Variants in MARCHF3 observed in about 807,000 individuals in gnomAD.
The protein encoded by MARCHF3 is membrane associated ring-CH-type finger 3.
A neutral mutation model predicts 24.2 loss-of-function variants in MARCHF3; 13 were observed. The ratio of observed to expected loss-of-function variants is 0.54; its 90% CI spans 0.35 to 0.85. The LOEUF (loss-of-function observed/expected upper bound fraction) is 0.85. Ranked by LOEUF, MARCHF3 falls within the 40% of genes least tolerant of loss-of-function variation. The pLI is 0.01. For synonymous variants in MARCHF3, 144 were observed against 137.3 expected, an observed-to-expected ratio of 1.05 and a Z score of -0.34; for missense variants, 276 against 325.0, an observed-to-expected ratio of 0.85 and a Z score of 1.16.
chr5:126,904,498 T>C (rs941569512), intron 3 of MARCHF3, among the ~76,000 whole-genome samples: 4 of 148,642 alleles, frequency 2.7e-5, no homozygotes, highest in African/African-American at 7.7e-5. Context: ...TTTTTAATGA[T>C]TGCCATTCTA....
chr5:126,965,691 T>G (rs1002428956), intron 1 of MARCHF3, among the ~76,000 whole-genome samples: 10 of 152,070 alleles, frequency 6.6e-5, no homozygotes, highest in African/African-American at 2.4e-4. Flanking sequence ...CAGTGAGAGA[T>G]AGAAACCACT....
At chr5:126,946,110 C>T (rs1256800465) in intron 1 of MARCHF3, among the ~76,000 whole-genome samples, 2 of 152,080 alleles carry the variant, frequency 1.3e-5, no homozygotes, top group Non-Finnish European at 2.9e-5. Context: ...GTAGCTCACA[C>T]CTGCAATCCC....
chr5:126,898,842 G>T (rs1754011712), intron 3 of MARCHF3: 1 of 981,670 alleles, frequency 1.0e-6, no homozygotes, highest in African/African-American at 1.8e-5. Context: ...CGCTAGAGGT[G>T]AAGCAATGAT....
intron 1 of MARCHF3, among the ~76,000 whole-genome samples, chr5:126,993,980 AC>A (rs1453042004): frequency 2.0e-5 from 3 of 152,266 alleles, no homozygotes; most frequent in African/African-American, 7.2e-5. Context: ...AGTTGAACAT[AC>A]ACCTGTCATT....
intron 1 of MARCHF3, 167 bp downstream of exon 1, chr5:127,030,183 T>C (rs1420262025): frequency 6.6e-6 from 1 of 152,146 alleles, no homozygotes; most frequent in Non-Finnish European, 1.5e-5. Flanking sequence ...AAGAAGAAGT[T>C]CGGGAGTGGG....
chr5:126,958,932 T>C (rs748381595), intron 1 of MARCHF3, among the ~76,000 whole-genome samples: 54 of 152,236 alleles, frequency 3.5e-4, no homozygotes, highest in Non-Finnish European at 6.9e-4. Context: ...TGCCAAAGTA[T>C]AAAATGAATA....
At chr5:126,885,738 C>G (rs1753492807) in intron 3 of MARCHF3, among the ~76,000 whole-genome samples, 1 of 152,244 alleles carries the variant, frequency 6.6e-6, no homozygotes. Context: ...ATCAAATTGT[C>G]AAGTTAATTG....
At chr5:126,984,235 AG>A (rs1274151440) in intron 1 of MARCHF3, among the ~76,000 whole-genome samples, 2 of 152,160 alleles carry the variant, frequency 1.3e-5, no homozygotes, top group Non-Finnish European at 2.9e-5. Flanking sequence ...ATGAGGAGGA[AG>A]GGGGTTGAGG....
intron 1 of MARCHF3, among the ~76,000 whole-genome samples, chr5:127,000,225 T>C (rs1226352375): frequency 6.6e-6 from 1 of 151,900 alleles, no homozygotes; most frequent in East Asian, 1.9e-4. Flanking sequence ...GTAGCCTCAA[T>C]AAAAATCTTT....
intron 3 of MARCHF3, among the ~76,000 whole-genome samples, chr5:126,888,421 TG>T (rs1405593927): frequency 1.1e-4 from 16 of 152,306 alleles, no homozygotes; most frequent in African/African-American, 3.8e-4. Context: ...CTCACACCAA[TG>T]GTTTATTTTT....
chr5:126,868,504 G>T lies in MARCHF3; in HGVS notation c.*2129C>A, dbSNP rs1752844152. ...AATGTGCAAACCCTTCCTAATGCAG[G>T]ATCCCCATTGAACGGCCTGGGACCT... is the stretch of plus-strand genomic sequence containing the variant. On this transcript the variant is annotated 3_prime_UTR_variant, in exon 5 of 5. Coordinates refer to ENST00000308660, the MANE Select transcript of MARCHF3 (RefSeq NM_178450.5). The T allele has an allele frequency of 2.6e-5, 4 of 152,318 alleles. No homozygotes were observed. The South Asian group carries it at 8.3e-4, about 32-fold the overall frequency. The allele number at this position is 152,318 out of a possible 1,614,324, so 9.4% of individuals were successfully genotyped here.
At chr5:126,911,623 C>G (rs552117272) in intron 3 of MARCHF3, among the ~76,000 whole-genome samples, 5 of 152,236 alleles carry the variant, frequency 3.3e-5, no homozygotes, top group Non-Finnish European at 5.9e-5. Context: ...ATGTAGTGCT[C>G]TTGGGTTGAA....
chr5:126,901,722 C>A (rs1002704331), intron 3 of MARCHF3, among the ~76,000 whole-genome samples: 4 of 152,138 alleles, frequency 2.6e-5, no homozygotes, highest in Non-Finnish European at 4.4e-5. Flanking sequence ...AACTCTGCTT[C>A]TGAAATCTGC....
In MARCHF3 at chr5:126,929,876, TTCCCCTGCACATGC is replaced by T. The variant is rs1749424944; in HGVS notation, c.-56-11663_-56-11650del. On this transcript the variant is annotated intron_variant, in intron 1 of 4. Transcript: ENST00000308660. Reference sequence around the variant, plus strand: ...GATCTGATGGTTTTATAAAGGAGAGTTCCCCTGCACATGCTCTTTTTTGTTTGCTGCCTTGCAAG... The same window carrying T: ...GATCTGATGGTTTTATAAAGGAGAGTTCTTTTTTGTTTGCTGCCTTGCAAG... Among the ~76,000 whole-genome samples, 4 of 151,956 alleles carry T rather than the reference TTCCCCTGCACATGC, an allele frequency of 2.6e-5. No individual in the cohort carries two copies. The South Asian group carries it at 8.4e-4, about 32-fold the overall frequency.
intron 1 of MARCHF3, among the ~76,000 whole-genome samples, chr5:127,009,366 G>A (rs1382948288): frequency 6.6e-6 from 1 of 152,116 alleles, no homozygotes; most frequent in Non-Finnish European, 1.5e-5. Context: ...TCCAATCTAG[G>A]TTGTTTTTCT....
intron 3 of MARCHF3, among the ~76,000 whole-genome samples, chr5:126,884,435 G>A (rs1035033094): frequency 1.3e-5 from 2 of 152,286 alleles, no homozygotes; most frequent in Middle Eastern, 3.4e-3. Flanking sequence ...ATTTGCTCAT[G>A]CTTTGGCCTC....
At chr5:126,927,251 G>A (rs1749326599) in intron 1 of MARCHF3, among the ~76,000 whole-genome samples, 1 of 152,120 alleles carries the variant, frequency 6.6e-6, no homozygotes, top group Non-Finnish European at 1.5e-5. Context: ...GCCAAGGACC[G>A]AGTTACCCGA....
intron 1 of MARCHF3, among the ~76,000 whole-genome samples, chr5:126,969,839 T>C (rs970423129): frequency 6.6e-6 from 1 of 152,190 alleles, no homozygotes; most frequent in Non-Finnish European, 1.5e-5. Context: ...CAGATGCTGC[T>C]GGCCCTAAGA....
At chr5:126,936,044 G>GT (rs1561436115) in intron 1 of MARCHF3, among the ~76,000 whole-genome samples, 1 of 152,154 alleles carries the variant, frequency 6.6e-6, no homozygotes, top group Non-Finnish European at 1.5e-5. Flanking sequence ...TACACAGAAA[G>GT]TAATCTATAA....
Sources: allele counts gnomAD v4.1 joint callset (sites outside exome capture counted in the v4.1 genomes callset), GRCh38; gene constraint gnomAD v4.1.1; transcripts MANE v1.5; gene names NCBI Gene and HGNC (gene_info 2026-07-23, HGNC 2026-07-21).